The following HTT-AS variants were observed in gnomAD, a reference collection of about 807,000 sequenced individuals.
HTT-AS encodes the protein HTT antisense RNA (head to head).
At position 3,063,048 on chromosome 4, in the gene HTT-AS, G is replaced by A. The variant is rs140974879; in HGVS notation, n.766C>T. ...CTCCCTGGGGTTGGAGCCTTTAGTA[G>A]GGGGTCGGAGACACGACGTAGCCTT... On this transcript the variant is annotated non_coding_transcript_exon_variant, in exon 2 of 3. Coordinates refer to ENST00000664062, the Ensembl canonical transcript of HTT-AS. Among the ~76,000 whole-genome samples the A allele has an allele frequency of 3.9e-5, 6 of 152,228 alleles. No individual in the cohort carries two copies. In the East Asian group the frequency reaches 1.2e-3, roughly 29 times the overall value.
exon 1 of HTT-AS, chr4:3,074,496 C>T: frequency 3.9e-6 from 1 of 253,298 alleles, no homozygotes; most frequent in Non-Finnish European, 7.3e-6. Context: ...TGGGGCGCTG[C>T]GCTGTCAGCG....
intron 2 of HTT-AS, among the ~76,000 whole-genome samples, chr4:3,056,178 C>T (rs957718875): frequency 6.6e-6 from 1 of 152,146 alleles, no homozygotes; most frequent in African/African-American, 2.4e-5. Context: ...ACTTCTGACA[C>T]CATGTTAAAA....
chr4:3,048,746 C>G (rs981442560), downstream of HTT-AS, among the ~76,000 whole-genome samples: 9 of 152,268 alleles, frequency 5.9e-5, no homozygotes, highest in African/African-American at 2.2e-4. Flanking sequence ...GTAACTATAG[C>G]CTTTACAGTA....
At chr4:3,062,559 C>T (rs1005388062) in exon 2 of HTT-AS, among the ~76,000 whole-genome samples, 2 of 152,056 alleles carry the variant, frequency 1.3e-5, no homozygotes, top group Non-Finnish European at 2.9e-5. Flanking sequence ...AGAAAGGTCT[C>T]CCTTCGGCTC....
chr4:3,051,792 C>A (rs111543532), intron 2 of HTT-AS, among the ~76,000 whole-genome samples: 3 of 151,114 alleles, frequency 2.0e-5, no homozygotes, highest in African/African-American at 7.4e-5. Context: ...TAAAAAGGGG[C>A]GCCTTAGGAT....
At chr4:3,054,114 A>G (rs200375398) in intron 2 of HTT-AS, among the ~76,000 whole-genome samples, 3 of 151,916 alleles carry the variant, frequency 2.0e-5, no homozygotes, top group Non-Finnish European at 4.4e-5. Flanking sequence ...AATTGTTCAA[A>G]TTATTTTGGA....
chr4:3,064,803 T>C (rs573798272), intron 1 of HTT-AS, among the ~76,000 whole-genome samples: 7 of 152,310 alleles, frequency 4.6e-5, no homozygotes, highest in Admixed American at 3.3e-4. Flanking sequence ...ATTCTTTTTA[T>C]AAAGCAAGTA....
exon 1 of HTT-AS, chr4:3,074,435 G>T: frequency 5.5e-6 from 1 of 183,320 alleles, no homozygotes. Context: ...CCCCATTACA[G>T]TCTCACCACG....
At chr4:3,069,073 T>A (rs1327765286) in intron 1 of HTT-AS, among the ~76,000 whole-genome samples, 1 of 152,138 alleles carries the variant, frequency 6.6e-6, no homozygotes, top group Non-Finnish European at 1.5e-5. Flanking sequence ...AGAATAGATT[T>A]ACGTTAGATT....
intron 2 of HTT-AS, among the ~76,000 whole-genome samples, chr4:3,061,245 T>A (rs1441751739): frequency 6.6e-6 from 1 of 152,178 alleles, no homozygotes; most frequent in Non-Finnish European, 1.5e-5. Flanking sequence ...AGACGTCAAT[T>A]CATATATGTA....
chr4:3,064,249 C>G (rs559359027), intron 1 of HTT-AS, among the ~76,000 whole-genome samples: 8 of 152,106 alleles, frequency 5.3e-5, no homozygotes, highest in South Asian at 4.2e-4. Flanking sequence ...GTGTGTGCCA[C>G]CACATCTGGC....
intron 1 of HTT-AS, among the ~76,000 whole-genome samples, chr4:3,074,102 A>C (rs1578473621): frequency 7.4e-5 from 5 of 67,532 alleles, no homozygotes; most frequent in East Asian, 6.0e-4. Context: ...CCCACCTCTC[A>C]CCTTCCTGCC....
chr4:3,074,223 C>G (rs2110127539), intron 1 of HTT-AS, among the ~76,000 whole-genome samples: 1 of 120,122 alleles, frequency 8.3e-6, no homozygotes. Context: ...TCCCCAGCAT[C>G]GCCCCGCCCC....
chr4:3,058,788 C>T (rs568686240), intron 2 of HTT-AS, among the ~76,000 whole-genome samples: 2 of 151,258 alleles, frequency 1.3e-5, no homozygotes, highest in East Asian at 1.9e-4. Context: ...GGTATGATCT[C>T]GGCTCACTGC....
intron 2 of HTT-AS, among the ~76,000 whole-genome samples, chr4:3,059,710 AC>A (rs1335592507): frequency 6.6e-6 from 1 of 151,048 alleles, no homozygotes; most frequent in Non-Finnish European, 1.5e-5. Flanking sequence ...AGCTGGGATT[AC>A]AGGTGCATGC....
At chr4:3,064,197 G>GTGA (rs1711998550) in intron 1 of HTT-AS, among the ~76,000 whole-genome samples, 1 of 150,126 alleles carries the variant, frequency 6.7e-6, no homozygotes, top group Non-Finnish European at 1.5e-5. Context: ...CCAGGTTCAA[G>GTGA]TGATTCTCCT....
intron 1 of HTT-AS, among the ~76,000 whole-genome samples, chr4:3,072,745 A>G (rs1161409602): frequency 2.0e-5 from 3 of 152,122 alleles, no homozygotes; most frequent in Non-Finnish European, 2.9e-5. Flanking sequence ...ATTCTGCCTC[A>G]GCCTCCGGAA....
intron 1 of HTT-AS, among the ~76,000 whole-genome samples, chr4:3,072,189 G>A (rs765199754): frequency 2.0e-5 from 3 of 152,212 alleles, no homozygotes; most frequent in Non-Finnish European, 4.4e-5. Context: ...GAGCTCAGCC[G>A]GGGAAGGGTC....
chr4:3,067,928 A>C (rs1712085746), intron 1 of HTT-AS, among the ~76,000 whole-genome samples: 1 of 152,196 alleles, frequency 6.6e-6, no homozygotes, highest in South Asian at 2.1e-4. Flanking sequence ...AAATCTTAAA[A>C]GCAGCCAGAT....
Sources: allele counts gnomAD v4.1 joint callset (sites outside exome capture counted in the v4.1 genomes callset), GRCh38; gene constraint gnomAD v4.1.1; transcripts MANE v1.5; gene names NCBI Gene and HGNC (gene_info 2026-07-23, HGNC 2026-07-21).